Variants in CACNA2D3 observed in about 807,000 individuals in gnomAD.
CACNA2D3 encodes voltage-dependent calcium channel subunit alpha-2/delta-3.
Under a neutral mutation model 160.6 loss-of-function variants are expected in CACNA2D3, and 60 were observed. That is an observed-to-expected ratio of 0.37 (90% CI 0.30 to 0.46). The LOEUF (loss-of-function observed/expected upper bound fraction) is 0.46, where lower values mean the gene tolerates loss of function less well. Ranked by LOEUF, CACNA2D3 falls within the 20% of genes least tolerant of loss-of-function variation. CACNA2D3 has a pLI of 1.00. For synonymous variants in CACNA2D3, 558 were observed against 492.9 expected (o/e 1.13, Z -1.75); for missense variants, 1,205 against 1,365.0 (o/e 0.88, Z 1.85).
At chr3:54,196,811 A>G (rs1701089112) in intron 2 of CACNA2D3, among the ~76,000 whole-genome samples, 1 of 152,210 alleles carries the variant, frequency 6.6e-6, no homozygotes, top group African/African-American at 2.4e-5. Flanking sequence ...CTGAATTCCA[A>G]ATGCAGATGC....
At chr3:55,027,488 G>C (rs938969561) in intron 35 of CACNA2D3, among the ~76,000 whole-genome samples, 5 of 152,160 alleles carry the variant, frequency 3.3e-5, no homozygotes, top group African/African-American at 1.2e-4. Context: ...ACAATGGCCA[G>C]CATGATTGGT....
At chr3:54,197,027 A>G (rs1454834239) in intron 2 of CACNA2D3, among the ~76,000 whole-genome samples, 1 of 152,178 alleles carries the variant, frequency 6.6e-6, no homozygotes, top group Non-Finnish European at 1.5e-5. Context: ...TTTAAAATTT[A>G]TTACACAAAG....
chr3:54,167,724 A>G (rs1700487078), intron 2 of CACNA2D3, among the ~76,000 whole-genome samples: 1 of 152,204 alleles, frequency 6.6e-6, no homozygotes, highest in South Asian at 2.1e-4. Context: ...GCTTGGTGGA[A>G]TAGTGAGGTC....
intron 27 of CACNA2D3, among the ~76,000 whole-genome samples, chr3:54,904,900 A>G (rs1394992727): frequency 6.6e-6 from 1 of 152,226 alleles, no homozygotes; most frequent in Non-Finnish European, 1.5e-5. Context: ...TATTTTAAGG[A>G]ATAGAAAATT....
intron 11 of CACNA2D3, among the ~76,000 whole-genome samples, chr3:54,732,729 G>A (rs1559562343): frequency 2.6e-5 from 4 of 152,156 alleles, no homozygotes; most frequent in Admixed American, 6.5e-5. Flanking sequence ...GAATGGCTGA[G>A]CACTTCTATT....
intron 11 of CACNA2D3, among the ~76,000 whole-genome samples, chr3:54,650,386 G>C (rs557068700): frequency 1.3e-5 from 2 of 151,924 alleles, no homozygotes; most frequent in South Asian, 4.2e-4. Flanking sequence ...TTTTTAAACA[G>C]AGTCTTGCTG....
intron 2 of CACNA2D3, among the ~76,000 whole-genome samples, chr3:54,228,832 C>T (rs1701719253): frequency 6.6e-6 from 1 of 152,174 alleles, no homozygotes; most frequent in South Asian, 2.1e-4. Flanking sequence ...TCAATTTGGG[C>T]TTCAGACATG....
At position 54,871,622 on chromosome 3, in the gene CACNA2D3, G is replaced by A; in HGVS notation, c.1710G>A (p.Val570=). Residue 570 remains valine (V), a splice_region_variant and synonymous_variant, in exon 18 of 38, where the codon GTG becomes GTA. Coordinates refer to ENST00000474759, the MANE Select transcript of CACNA2D3 (RefSeq NM_018398.3). The stretch of plus-strand genomic sequence containing the variant: ...TGGAGTGGGAAGACCGAGATGACGT[G>A]GTAAGTGATTTGTTTTCAGGCCTCG... ...SEVEWEDRDD[V]LRNAMVNRKT... is the part of the protein sequence containing the mutation. 1 of 1,609,492 alleles carries A rather than the reference G, an allele frequency of 6.2e-7. No individual in the cohort carries two copies. Among genetic ancestry groups the A allele is most frequent in the South Asian group, 1.1e-5 (1 of 90,924 alleles).
chr3:54,981,673 C>T (rs1702511075), intron 29 of CACNA2D3, among the ~76,000 whole-genome samples: 2 of 152,228 alleles, frequency 1.3e-5, no homozygotes, highest in Admixed American at 1.3e-4. Context: ...GGCTGGACCA[C>T]AGCCCTGGGA....
At chr3:54,563,423 C>T (rs1033196388) in intron 6 of CACNA2D3, among the ~76,000 whole-genome samples, 11 of 152,136 alleles carry the variant, frequency 7.2e-5, no homozygotes, top group Non-Finnish European at 2.9e-5. Flanking sequence ...GCCCAGGCGT[C>T]GCTGACGGCA....
chr3:54,179,809 A>C (rs529393551), intron 2 of CACNA2D3, among the ~76,000 whole-genome samples: 1 of 152,272 alleles, frequency 6.6e-6, no homozygotes, highest in African/African-American at 2.4e-5. Context: ...CCTCACCAGG[A>C]ACAGAATTGG....
At chr3:54,699,815 A>C (rs1257628956) in intron 11 of CACNA2D3, among the ~76,000 whole-genome samples, 1 of 152,206 alleles carries the variant, frequency 6.6e-6, no homozygotes, top group Non-Finnish European at 1.5e-5. Context: ...TATGTGCTAA[A>C]TAATATTAAT....
At chr3:54,250,619 A>G (rs900862826) in intron 2 of CACNA2D3, among the ~76,000 whole-genome samples, 3 of 152,080 alleles carry the variant, frequency 2.0e-5, no homozygotes, top group African/African-American at 7.2e-5. Context: ...TTTTTTTTGT[A>G]GAGATGGAGT....
chr3:54,258,874 TAGGG>T (rs1452979780), intron 2 of CACNA2D3, among the ~76,000 whole-genome samples: 3 of 152,182 alleles, frequency 2.0e-5, no homozygotes, highest in African/African-American at 7.2e-5. Flanking sequence ...CAGTGCTGGC[TAGGG>T]AGGAAGATTC....
chr3:54,599,415 A>G (rs972631577), intron 9 of CACNA2D3, among the ~76,000 whole-genome samples: 5 of 152,192 alleles, frequency 3.3e-5, no homozygotes, highest in Non-Finnish European at 7.3e-5. Context: ...CTGACAACTC[A>G]GTGTTTCTGT....
At chr3:54,222,897 G>A (rs1355832202) in intron 2 of CACNA2D3, among the ~76,000 whole-genome samples, 1 of 152,068 alleles carries the variant, frequency 6.6e-6, no homozygotes, top group African/African-American at 2.4e-5. Context: ...AGAATTTAAT[G>A]TACTTATAAT....
rs146402636 is a variant in CACNA2D3, at chr3:54,672,932, C to T, written c.1167+30691C>T. On this transcript the variant is annotated intron_variant, in intron 11 of 37. Coordinates refer to ENST00000474759, the MANE Select transcript of CACNA2D3 (RefSeq NM_018398.3). ...GATGATAATGACGATGACATTGTTACTTTAGAAACCCAGAGTCCAAACACG... is the reference window on the plus strand; with the variant it reads ...GATGATAATGACGATGACATTGTTATTTTAGAAACCCAGAGTCCAAACACG... Among the ~76,000 whole-genome samples, 378 of 152,312 alleles carry T rather than the reference C, an allele frequency of 2.5e-3. 3 individuals are homozygous for T. The highest frequency in any genetic ancestry group is 8.7e-3 in the African/African-American group (362 of 41,554).
intron 11 of CACNA2D3, among the ~76,000 whole-genome samples, chr3:54,734,843 C>A (rs528483602): frequency 6.6e-6 from 1 of 152,164 alleles, no homozygotes; most frequent in East Asian, 1.9e-4. Flanking sequence ...GGTGAGTCTG[C>A]CAGGTGTGTT....
intron 11 of CACNA2D3, among the ~76,000 whole-genome samples, chr3:54,707,163 A>G (rs902258628): frequency 2.0e-5 from 3 of 152,188 alleles, no homozygotes; most frequent in African/African-American, 7.2e-5. Flanking sequence ...AGGCCGAACA[A>G]TTCATTAGGG....
Sources: allele counts gnomAD v4.1 joint callset (sites outside exome capture counted in the v4.1 genomes callset), GRCh38; gene constraint gnomAD v4.1.1; transcripts MANE v1.5; gene names NCBI Gene and HGNC (gene_info 2026-07-23, HGNC 2026-07-21).